Variants in PARD3 observed in about 807,000 individuals in gnomAD.
PARD3 encodes the protein par-3 family cell polarity regulator.
PARD3 carries 75 observed loss-of-function variants against 155.4 expected under a neutral mutation model. The ratio of observed to expected loss-of-function variants is 0.48; its 90% CI spans 0.40 to 0.58. The LOEUF (loss-of-function observed/expected upper bound fraction) is 0.58, where lower values mean the gene tolerates loss of function less well. Among genes scored for constraint, PARD3 ranks in the 20% least tolerant of loss-of-function variants. The probability of loss-of-function intolerance (pLI) is 0.00; values close to 1 mark genes in which losing one functional copy is unlikely to be tolerated. For synonymous variants in PARD3, 576 were observed against 610.5 expected (o/e 0.94, Z 0.83); for missense variants, 1,642 against 1,721.7 (o/e 0.95, Z 0.82).
At chr10:34,192,168 A>C (rs1348813085) in intron 22 of PARD3, among the ~76,000 whole-genome samples, 1 of 152,002 alleles carries the variant, frequency 6.6e-6, no homozygotes, top group Admixed American at 6.5e-5. Context: ...CCTGGGCTCA[A>C]GTGATCCTCC....
At chr10:34,381,864 G>T (rs1370045920) in intron 9 of PARD3, among the ~76,000 whole-genome samples, 1 of 127,296 alleles carries the variant, frequency 7.9e-6, no homozygotes, top group African/African-American at 3.0e-5. Flanking sequence ...GGTGAGCTAT[G>T]ACTGCACCAC....
intron 22 of PARD3, among the ~76,000 whole-genome samples, chr10:34,237,132 C>T (rs1163134059): frequency 6.6e-6 from 1 of 152,138 alleles, no homozygotes; most frequent in Non-Finnish European, 1.5e-5. Flanking sequence ...AACTCTTAAC[C>T]ACAGATGAGA....
At chr10:34,621,700 T>C (rs1243513643) in intron 2 of PARD3, among the ~76,000 whole-genome samples, 1 of 152,252 alleles carries the variant, frequency 6.6e-6, no homozygotes, top group Non-Finnish European at 1.5e-5. Context: ...AGCATGGATA[T>C]TGTTATTGTT....
chr10:34,542,650 T>C (rs117965800), intron 2 of PARD3, among the ~76,000 whole-genome samples: 2,002 of 152,290 alleles, frequency 0.013, 22 homozygotes, highest in Non-Finnish European at 0.018. Flanking sequence ...ATTTACAAAG[T>C]AAGTGTAACA....
intron 22 of PARD3, among the ~76,000 whole-genome samples, chr10:34,232,935 C>A (rs1953009597): frequency 6.6e-6 from 1 of 151,880 alleles, no homozygotes; most frequent in African/African-American, 2.4e-5. Context: ...TCCTGGGCCT[C>A]CAGCAATCCT....
At chr10:34,121,178 G>A (rs117177734) in intron 23 of PARD3, among the ~76,000 whole-genome samples, 15 of 152,232 alleles carry the variant, frequency 9.9e-5, no homozygotes, top group East Asian at 3.9e-4. Context: ...CGTGTATACC[G>A]CATGGTATAG....
chr10:34,545,317 C>T (rs74132058), intron 2 of PARD3, among the ~76,000 whole-genome samples: 2,628 of 152,236 alleles, frequency 0.017, 96 homozygotes, highest in African/African-American at 0.06. Context: ...TGGTTAAGAA[C>T]TTAACAGATA....
At chr10:34,211,886 G>A (rs1228605693) in intron 22 of PARD3, among the ~76,000 whole-genome samples, 2 of 152,050 alleles carry the variant, frequency 1.3e-5, no homozygotes, top group African/African-American at 4.8e-5. Flanking sequence ...ACCTTCCCAG[G>A]GTTATCCCAA....
At chr10:34,575,395 T>C (rs184719760) in intron 2 of PARD3, among the ~76,000 whole-genome samples, 35 of 152,104 alleles carry the variant, frequency 2.3e-4, no homozygotes, top group Middle Eastern at 3.4e-3. Context: ...CACAAGGGAG[T>C]AGGCTTTATC....
chr10:34,185,743 C>T (rs992239836), intron 22 of PARD3, among the ~76,000 whole-genome samples: 1 of 151,602 alleles, frequency 6.6e-6, no homozygotes, highest in Non-Finnish European at 1.5e-5. Context: ...AGAGCAGTTA[C>T]AGAGAACATC....
At chr10:34,518,844 A>C (rs756129216) in intron 2 of PARD3, among the ~76,000 whole-genome samples, 1 of 152,206 alleles carries the variant, frequency 6.6e-6, no homozygotes, top group African/African-American at 2.4e-5. Flanking sequence ...GTCTCCCCAG[A>C]AGAGTCATTT....
In PARD3 at chr10:34,799,387, T is replaced by G. The variant is rs1295570506; in HGVS notation, c.120+15489A>C. Among the ~76,000 whole-genome samples, 4 of 152,040 alleles carry G rather than the reference T, an allele frequency of 2.6e-5. No individual in the cohort carries two copies. The South Asian group carries it at 8.3e-4, about 32-fold the overall frequency. On this transcript the variant is annotated intron_variant, in intron 1 of 24. Transcript: ENST00000374788. The stretch of plus-strand genomic sequence containing the variant: ...GAGGTGTCTAGAATGGGCCCCGAGA[T>G]TGTACATTTCCAGCAAGTTCCCAAG...
At chr10:34,117,931 C>A (rs137993775) in intron 24 of PARD3, among the ~76,000 whole-genome samples, 11 of 152,138 alleles carry the variant, frequency 7.2e-5, no homozygotes, top group African/African-American at 2.6e-4. Flanking sequence ...GGAACAGAAG[C>A]CCTTGATAGC....
At chr10:34,704,111 GAC>G (rs2094327317) in intron 1 of PARD3, among the ~76,000 whole-genome samples, 1 of 152,122 alleles carries the variant, frequency 6.6e-6, no homozygotes, top group Admixed American at 6.5e-5. Context: ...GGAGCAGAGT[GAC>G]CAGTCCAGAC....
chr10:34,811,686 T>C (rs1265471933), intron 1 of PARD3, among the ~76,000 whole-genome samples: 1 of 152,208 alleles, frequency 6.6e-6, no homozygotes, highest in African/African-American at 2.4e-5. Context: ...ATTATACTTT[T>C]TTTTGAAAAT....
At chr10:34,288,577 C>T (rs914320664) in intron 20 of PARD3, among the ~76,000 whole-genome samples, 1 of 152,164 alleles carries the variant, frequency 6.6e-6, no homozygotes, top group Non-Finnish European at 1.5e-5. Context: ...TGAAAAATTT[C>T]ACCTATACAT....
intron 1 of PARD3, among the ~76,000 whole-genome samples, chr10:34,756,541 G>C (rs373100220): frequency 7.2e-6 from 1 of 138,224 alleles, no homozygotes; most frequent in South Asian, 2.3e-4. Flanking sequence ...TGGTAGTCCT[G>C]AACGCCTGAG....
chr10:34,252,863 T>G (rs1020148474), intron 22 of PARD3, among the ~76,000 whole-genome samples: 9 of 152,070 alleles, frequency 5.9e-5, no homozygotes, highest in Non-Finnish European at 1.2e-4. Context: ...AAGGAAATCA[T>G]AGTGAACGAT....
chr10:34,801,541 A>C (rs1842842960), intron 1 of PARD3, among the ~76,000 whole-genome samples: 1 of 152,184 alleles, frequency 6.6e-6, no homozygotes. Context: ...CCAAGCCCAG[A>C]ATGTGAATGA....
Sources: allele counts gnomAD v4.1 joint callset (sites outside exome capture counted in the v4.1 genomes callset), GRCh38; gene constraint gnomAD v4.1.1; transcripts MANE v1.5; gene names NCBI Gene and HGNC (gene_info 2026-07-23, HGNC 2026-07-21).